SORCS2: variants seen among roughly 807,000 people sequenced by gnomAD.
SORCS2 encodes the protein VPS10 domain-containing receptor SorCS2.
In SORCS2, 100 loss-of-function variants were observed where a neutral mutation model predicts 141.6. The ratio of observed to expected loss-of-function variants is 0.71; its 90% CI spans 0.60 to 0.83. The LOEUF is 0.83. SORCS2 is among the 40% of genes least tolerant of loss of function. The pLI, the probability that SORCS2 is intolerant of heterozygous loss-of-function variation, is 0.00. For missense variants in SORCS2, 1,646 were observed against 1,560.2 expected (o/e 1.05, Z -0.93); for synonymous variants, 789 against 676.9 (o/e 1.17, Z -2.57).
At chr4:7,315,728 C>T (rs1169870834) in intron 1 of SORCS2, among the ~76,000 whole-genome samples, 5 of 152,244 alleles carry the variant, frequency 3.3e-5, no homozygotes, top group Admixed American at 1.3e-4. Flanking sequence ...GACTCTCTCA[C>T]CTCTGAAGGT....
At chr4:7,208,722 C>T (rs1477942642) in intron 1 of SORCS2, among the ~76,000 whole-genome samples, 1 of 152,224 alleles carries the variant, frequency 6.6e-6, no homozygotes, top group Non-Finnish European at 1.5e-5. Flanking sequence ...AGGGGATGCA[C>T]TGCCTTGTCT....
intron 2 of SORCS2, among the ~76,000 whole-genome samples, chr4:7,485,918 T>C (rs755070343): frequency 5.3e-5 from 8 of 152,178 alleles, no homozygotes; most frequent in Non-Finnish European, 1.0e-4. Flanking sequence ...TGGGGCTTCC[T>C]CTGTGCTGGC....
chr4:7,544,406 GC>G (rs1185508449), intron 3 of SORCS2, among the ~76,000 whole-genome samples: 3 of 152,328 alleles, frequency 2.0e-5, no homozygotes, highest in African/African-American at 7.2e-5. Context: ...GAGATGGAGA[GC>G]CCTGGAGAGA....
chr4:7,272,570 A>G (rs1715215011), intron 1 of SORCS2, among the ~76,000 whole-genome samples: 1 of 152,234 alleles, frequency 6.6e-6, no homozygotes, highest in South Asian at 2.1e-4. Context: ...GTAAATCACT[A>G]GGCACGTGCC....
At chr4:7,621,809 G>A (rs1455822347) in intron 3 of SORCS2, among the ~76,000 whole-genome samples, 1 of 152,190 alleles carries the variant, frequency 6.6e-6, no homozygotes, top group African/African-American at 2.4e-5. Flanking sequence ...GCGACCTCTG[G>A]GTAAGATGCT....
At chr4:7,283,734 G>T (rs889034032) in intron 1 of SORCS2, among the ~76,000 whole-genome samples, 3 of 152,106 alleles carry the variant, frequency 2.0e-5, no homozygotes, top group African/African-American at 7.2e-5. Flanking sequence ...CCAAACATAG[G>T]TGGGGCCCAA....
chr4:7,697,169 G>A, intron 11 of SORCS2, 29 bp from the exon 12 acceptor site: 1 of 1,548,180 alleles, frequency 6.5e-7, no homozygotes, highest in Non-Finnish European at 8.8e-7. Context: ...GATCCTAAGG[G>A]TAGTACTGCC....
intron 2 of SORCS2, among the ~76,000 whole-genome samples, chr4:7,525,630 A>G (rs1379315085): frequency 6.6e-6 from 1 of 151,668 alleles, no homozygotes. Flanking sequence ...CTGGGCCTAC[A>G]TCCTATTCTT....
intron 2 of SORCS2, among the ~76,000 whole-genome samples, chr4:7,454,608 C>G (rs1273643047): frequency 1.0e-5 from 1 of 99,072 alleles, no homozygotes; most frequent in Non-Finnish European, 2.0e-5. Flanking sequence ...TGGGGTCAGG[C>G]ACTGTGTGTT....
At chr4:7,384,651 C>G (rs1447895978) in intron 1 of SORCS2, among the ~76,000 whole-genome samples, 1 of 152,230 alleles carries the variant, frequency 6.6e-6, no homozygotes, top group African/African-American at 2.4e-5. Context: ...ACCCAAGACC[C>G]TTCTTGGGAG....
At chr4:7,441,446 G>A (rs567371982) in intron 2 of SORCS2, among the ~76,000 whole-genome samples, 2 of 152,180 alleles carry the variant, frequency 1.3e-5, no homozygotes, top group Admixed American at 6.5e-5. Context: ...TGAGTGGGAT[G>A]CCCTGACTCA....
At chr4:7,421,969 C>T (rs983129289) in intron 2 of SORCS2, among the ~76,000 whole-genome samples, 1 of 152,068 alleles carries the variant, frequency 6.6e-6, no homozygotes, top group Non-Finnish European at 1.5e-5. Flanking sequence ...ATGCTCACTT[C>T]CCTTGTCGAC....
intron 2 of SORCS2, chr4:7,431,180 G>T (rs1389062036): frequency 6.6e-6 from 1 of 152,484 alleles, no homozygotes; most frequent in South Asian, 2.1e-4. Context: ...AGTGAGCTCC[G>T]TTCATCACGG....
chr4:7,601,100 C>T (rs550530170), intron 3 of SORCS2, among the ~76,000 whole-genome samples: 3 of 152,212 alleles, frequency 2.0e-5, no homozygotes, highest in African/African-American at 7.2e-5. Flanking sequence ...TTCCTGGTCT[C>T]GAACTCCTGA....
intron 14 of SORCS2, among the ~76,000 whole-genome samples, chr4:7,706,476 C>T (rs1182758880): frequency 9.2e-5 from 10 of 109,234 alleles, no homozygotes; most frequent in Non-Finnish European, 1.7e-4. Context: ...CTGGGCTCTG[C>T]CTGGACAGAG....
chr4:7,740,523 C>A lies in SORCS2; in HGVS notation c.*259C>A, dbSNP rs576443861. On this transcript the variant is annotated 3_prime_UTR_variant, in exon 27 of 27. Transcript: ENST00000507866. ...CCTGACTCAGGCAGGTTCTGCCCCC[C>A]AGACCCCACACACGGCCGCCCCACG... 15 of 538,150 alleles carry A rather than the reference C, an allele frequency of 2.8e-5. No individual in the cohort carries two copies. The highest frequency in any genetic ancestry group is 2.4e-4 in the South Asian group (11 of 45,818). 33.3% of individuals were successfully genotyped at this position (538,150 alleles called of 1,614,324 possible). A position where few individuals can be genotyped will look rare whatever the true frequency, so the allele number is the denominator to read the frequency against.
chr4:7,701,066 T>A (rs901467050), intron 12 of SORCS2, among the ~76,000 whole-genome samples: 1 of 152,200 alleles, frequency 6.6e-6, no homozygotes, highest in African/African-American at 2.4e-5. Flanking sequence ...AAGTCCCTGA[T>A]GGGCAGCAGC....
chr4:7,340,640 C>T (rs1720316617), intron 1 of SORCS2, among the ~76,000 whole-genome samples: 1 of 152,242 alleles, frequency 6.6e-6, no homozygotes, highest in African/African-American at 2.4e-5. Context: ...TGCACTCTTG[C>T]ACGTGAGCAC....
chr4:7,587,541 T>G (rs929081078), intron 3 of SORCS2, among the ~76,000 whole-genome samples: 62 of 152,330 alleles, frequency 4.1e-4, no homozygotes, highest in African/African-American at 1.5e-3. Context: ...GGCAGCGCCT[T>G]GATTAGGCCC....
Sources: allele counts gnomAD v4.1 joint callset (sites outside exome capture counted in the v4.1 genomes callset), GRCh38; gene constraint gnomAD v4.1.1; transcripts MANE v1.5; gene names NCBI Gene and HGNC (gene_info 2026-07-23, HGNC 2026-07-21).